Variants in MYO1B observed in about 807,000 individuals in gnomAD.
The protein encoded by MYO1B is myosin IB.
In MYO1B, 72 loss-of-function variants were observed where a neutral mutation model predicts 159.7. The ratio of observed to expected loss-of-function variants is 0.45; its 90% CI spans 0.37 to 0.55. The LOEUF is 0.55. MYO1B is among the 20% of genes least tolerant of loss of function. The pLI is 0.00. For synonymous variants in MYO1B, 468 were observed against 473.8 expected (o/e 0.99, Z 0.16); for missense variants, 1,062 against 1,364.8 (o/e 0.78, Z 3.50).
chr2:191,405,542 C>G (rs1331003421), intron 24 of MYO1B, among the ~76,000 whole-genome samples: 1 of 152,176 alleles, frequency 6.6e-6, no homozygotes, highest in Non-Finnish European at 1.5e-5. Context: ...AAATGTATTT[C>G]TTAAATCATA....
At chr2:191,264,233 T>G (rs985317985) in intron 1 of MYO1B, among the ~76,000 whole-genome samples, 7 of 152,224 alleles carry the variant, frequency 4.6e-5, no homozygotes, top group Admixed American at 2.0e-4. Flanking sequence ...CTATTTTTGT[T>G]TGATCAATTC....
chr2:191,402,378 G>C, intron 23 of MYO1B: 1 of 494,416 alleles, frequency 2.0e-6, no homozygotes, highest in Non-Finnish European at 3.6e-6. Flanking sequence ...ATGGAAGTGA[G>C]GGGTGGGAAA....
intron 26 of MYO1B, among the ~76,000 whole-genome samples, chr2:191,410,616 A>G (rs1010001151): frequency 6.6e-6 from 1 of 152,138 alleles, no homozygotes; most frequent in African/African-American, 2.4e-5. Context: ...AGAAAATAGC[A>G]GAGTGTACAA....
At chr2:191,377,575 G>T (rs538019702) in intron 13 of MYO1B, 6 of 152,200 alleles carry the variant, frequency 3.9e-5, no homozygotes, top group Admixed American at 2.0e-4. Flanking sequence ...CTATTCATCT[G>T]GTGGTTTCTA....
chr2:191,355,923 T>G (rs1295246491), intron 7 of MYO1B, among the ~76,000 whole-genome samples: 1 of 152,194 alleles, frequency 6.6e-6, no homozygotes, highest in African/African-American at 2.4e-5. Context: ...TCTTTTTAAT[T>G]TACGACACAA....
intron 3 of MYO1B, among the ~76,000 whole-genome samples, chr2:191,302,463 A>G (rs776837537): frequency 6.6e-6 from 1 of 152,228 alleles, no homozygotes; most frequent in Non-Finnish European, 1.5e-5. Flanking sequence ...AGTTTATTCA[A>G]AATTTCATGC....
chr2:191,351,030 G>A (rs1405734570), intron 7 of MYO1B, among the ~76,000 whole-genome samples: 4 of 152,066 alleles, frequency 2.6e-5, no homozygotes, highest in African/African-American at 9.7e-5. Context: ...GTAAGATGAT[G>A]ACTCAGGGCT....
intron 3 of MYO1B, among the ~76,000 whole-genome samples, chr2:191,314,731 A>G (rs1305798792): frequency 1.3e-5 from 2 of 152,240 alleles, no homozygotes; most frequent in African/African-American, 2.4e-5. Context: ...ACATATGACT[A>G]TAGTCAAAGA....
At chr2:191,277,159 C>T (rs1164246290) in intron 2 of MYO1B, 129 bp downstream of exon 2, 1 of 1,143,206 alleles carries the variant, frequency 8.7e-7, no homozygotes, top group African/African-American at 1.6e-5. Context: ...GCTTTATACC[C>T]TCAGAAAGAG....
intron 3 of MYO1B, among the ~76,000 whole-genome samples, chr2:191,297,061 A>G (rs1277459549): frequency 6.6e-6 from 1 of 152,216 alleles, no homozygotes; most frequent in Non-Finnish European, 1.5e-5. Context: ...TATTTCTCAA[A>G]AAACTTTTTT....
chr2:191,280,095 G>T (rs115141917), intron 2 of MYO1B, among the ~76,000 whole-genome samples: 2 of 152,104 alleles, frequency 1.3e-5, no homozygotes, highest in Non-Finnish European at 2.9e-5. Flanking sequence ...CAGAGCTCTC[G>T]TGAGGGATTG....
chr2:191,288,243 TA>T (rs5837228), intron 2 of MYO1B, among the ~76,000 whole-genome samples: 135,926 of 145,322 alleles, frequency 0.94, 64,009 homozygotes, highest in South Asian at 1. Flanking sequence ...TAGCTTAGCT[TA>T]AAAAAAAAAA....
intron 13 of MYO1B, among the ~76,000 whole-genome samples, chr2:191,373,741 A>C (rs1454144297): frequency 1.3e-5 from 2 of 152,232 alleles, no homozygotes; most frequent in Non-Finnish European, 2.9e-5. Flanking sequence ...CTTTCAGCCA[A>C]GGCCAAATCC....
intron 24 of MYO1B, among the ~76,000 whole-genome samples, chr2:191,406,658 TCAC>T (rs1177843838): frequency 6.6e-6 from 1 of 152,184 alleles, no homozygotes; most frequent in Non-Finnish European, 1.5e-5. Flanking sequence ...TTGATTAAGT[TCAC>T]CATCTTACAG....
At chr2:191,346,142 A>AGAAATCATAGATTTCAAATACAGTATTT in intron 5 of MYO1B, 94 bp from the exon 6 acceptor site, 2 of 966,070 alleles carry the variant, frequency 2.1e-6, no homozygotes, top group Non-Finnish European at 3.1e-6. Context: ...TGTATTTTCC[A>AGAAATCATAGATTTCAAATACAGTATTT]GAAATCATAG....
At chr2:191,340,818 C>T (rs538180773) in intron 4 of MYO1B, among the ~76,000 whole-genome samples, 3 of 152,136 alleles carry the variant, frequency 2.0e-5, no homozygotes, top group Non-Finnish European at 2.9e-5. Flanking sequence ...CTCCACCTCC[C>T]GGGTTCAAGC....
chr2:191,268,595 A>G (rs925030129), intron 1 of MYO1B, among the ~76,000 whole-genome samples: 2 of 152,212 alleles, frequency 1.3e-5, no homozygotes, highest in African/African-American at 4.8e-5. Context: ...GAACCTCTCG[A>G]GGGCCTACAG....
chr2:191,363,638 C>T (rs557830668), intron 9 of MYO1B, 90 bp from the exon 10 acceptor site: 1 of 1,454,520 alleles, frequency 6.9e-7, no homozygotes, highest in South Asian at 1.5e-5. Flanking sequence ...GGTTTTTTTC[C>T]CCAGAAATAA....
At chr2:191,331,989 T>G (rs1363185646) in intron 4 of MYO1B, among the ~76,000 whole-genome samples, 1 of 152,190 alleles carries the variant, frequency 6.6e-6, no homozygotes, top group Non-Finnish European at 1.5e-5. Flanking sequence ...TGAGACAGAG[T>G]CTCGCTCTTA....
Sources: gnomAD v4.1 joint callset for allele counts (sites outside exome capture counted in the v4.1 genomes callset) on GRCh38, gnomAD v4.1.1 for gene constraint, MANE v1.5 for transcripts, NCBI Gene and HGNC (gene_info 2026-07-23, HGNC 2026-07-21) for gene names.